Variants in PCDHA4 observed in about 807,000 individuals in gnomAD.
PCDHA4 encodes protocadherin alpha-4.
A neutral mutation model predicts 61.4 loss-of-function variants in PCDHA4; 49 were observed. That is an observed-to-expected ratio of 0.80 (90% CI 0.63 to 1.01). PCDHA4 has a LOEUF of 1.01. Ranked by LOEUF, PCDHA4 falls within the 50% of genes least tolerant of loss-of-function variation. The pLI is 0.00. For synonymous variants in PCDHA4, 590 were observed against 550.3 expected, an observed-to-expected ratio of 1.07 and a Z score of -1.01; for missense variants, 1,254 against 1,235.8, an observed-to-expected ratio of 1.01 and a Z score of -0.22.
chr5:140,919,763 A>T (rs2079297949), intron 1 of PCDHA4, among the ~76,000 whole-genome samples: 2 of 152,090 alleles, frequency 1.3e-5, no homozygotes, highest in African/African-American at 4.8e-5. Flanking sequence ...TGCCTTTTGT[A>T]TTACTGTTAC....
chr5:140,967,870 G>A (rs782622860), intron 1 of PCDHA4: 31 of 1,614,152 alleles, frequency 1.9e-5, no homozygotes, highest in Non-Finnish European at 2.5e-5. Flanking sequence ...TGGTGCTCAC[G>A]GACCTGTATA....
chr5:140,926,223 TAGA>T, intron 1 of PCDHA4: 1 of 152,200 alleles, frequency 6.6e-6, no homozygotes, highest in Non-Finnish European at 1.5e-5. Flanking sequence ...TCCTTAAGCC[TAGA>T]AGGTGTGGTC....
chr5:140,880,742 G>A, intron 1 of PCDHA4, among the ~76,000 whole-genome samples: 1 of 152,208 alleles, frequency 6.6e-6, no homozygotes, highest in East Asian at 1.9e-4. Flanking sequence ...AAAATGGATT[G>A]TCAGTGTAAC....
intron 1 of PCDHA4, among the ~76,000 whole-genome samples, chr5:140,872,587 A>AC (rs777810037): frequency 6.0e-4 from 91 of 152,014 alleles, no homozygotes; most frequent in Middle Eastern, 3.4e-3. Flanking sequence ...TCATCGTGAG[A>AC]CCCCCATCTG....
At chr5:140,837,632 C>CTTT (rs1562365662) in intron 1 of PCDHA4, among the ~76,000 whole-genome samples, 8 of 151,106 alleles carry the variant, frequency 5.3e-5, no homozygotes, top group Admixed American at 1.3e-4. Context: ...TTCCTTCCTT[C>CTTT]CTTTCTTTCT....
intron 1 of PCDHA4, chr5:140,823,745 C>A (rs782470144): frequency 1.2e-6 from 2 of 1,613,836 alleles, no homozygotes; most frequent in African/African-American, 1.3e-5. Context: ...GGAGAGCCCC[C>A]GCTGACAGCC....
In PCDHA4 at chr5:140,852,152, C is replaced by T. The variant is rs1163475400; in HGVS notation, c.2385+42580C>T. The T allele has an allele frequency of 5.8e-6, 5 of 861,034 alleles. 1 individual carries two copies. The highest frequency in any genetic ancestry group is 1.2e-3 in the Middle Eastern group (2 of 1,666). The allele number at this position is 861,034 out of a possible 1,614,324, so 53.3% of individuals were successfully genotyped here. ...CTCAGTAGAGAAAGATCAGAATGGC[C>T]TTGAGAATAGAGCCACAAAAATAAC... On this transcript the variant is annotated intron_variant, in intron 1 of 3. Transcript: ENST00000530339.
intron 1 of PCDHA4, chr5:140,823,861 A>C: frequency 6.2e-7 from 1 of 1,613,800 alleles, no homozygotes; most frequent in Non-Finnish European, 8.5e-7. Flanking sequence ...GGTGGATGTC[A>C]ACGTGTACCT....
At chr5:140,964,998 G>C (rs2095868277) in intron 1 of PCDHA4, among the ~76,000 whole-genome samples, 1 of 152,166 alleles carries the variant, frequency 6.6e-6, no homozygotes, top group Admixed American at 6.5e-5. Flanking sequence ...TTTGAATTCT[G>C]GGTGTCAGGA....
intron 1 of PCDHA4, among the ~76,000 whole-genome samples, chr5:140,908,003 C>G (rs1325602233): frequency 1.3e-5 from 2 of 152,164 alleles, no homozygotes; most frequent in Non-Finnish European, 2.9e-5. Context: ...ACCATCCAGC[C>G]AAACCACTGG....
rs1228559116 is a variant in PCDHA4, at chr5:140,927,616, G to A, written c.2386-51333G>A. On this transcript the variant is annotated intron_variant, in intron 1 of 3. Coordinates refer to ENST00000530339, the MANE Select transcript of PCDHA4 (RefSeq NM_018907.4). ...TGAGCGCTCCGTATACCGCACCAAG[G>A]TTCCAGAGACTGCACCCAATGGGAC... 1.1e-5 allele frequency: 18 copies of A among 1,614,046 alleles called. No individual in the cohort carries two copies. Among genetic ancestry groups the A allele is most frequent in the Non-Finnish European group, 1.5e-5 (18 of 1,180,038 alleles).
At chr5:140,850,822 T>C (rs2150499747) in intron 1 of PCDHA4, 4 of 1,598,166 alleles carry the variant, frequency 2.5e-6, no homozygotes, top group Non-Finnish European at 3.4e-6. Flanking sequence ...AGCCCGGGCC[T>C]TTCTCCTTGT....
intron 1 of PCDHA4, among the ~76,000 whole-genome samples, chr5:140,960,813 A>C (rs1356756058): frequency 6.6e-6 from 1 of 152,202 alleles, no homozygotes; most frequent in Non-Finnish European, 1.5e-5. Context: ...AGAGGTCCCA[A>C]GTGATGAATG....
rs782301855 is a variant in PCDHA4 at position 140,807,203 on chromosome 5, G to GGAAGCGGCCAGGAATCCCGGC, written c.18_38dup (p.Ser7_Arg13dup). 1.2e-6 allele frequency: 2 copies of GGAAGCGGCCAGGAATCCCGGC among 1,613,738 alleles called. No homozygotes were observed. Among genetic ancestry groups the GGAAGCGGCCAGGAATCCCGGC allele is most frequent in the South Asian group, 2.2e-5 (2 of 91,046 alleles). ...TGCACTAAAGATGGAGTTTTCCTGG[G>GGAAGCGGCCAGGAATCCCGGC]GAAGCGGCCAGGAATCCCGGCGTCT... On this transcript the variant is annotated inframe_insertion, in exon 1 of 4. Coordinates refer to ENST00000530339, the MANE Select transcript of PCDHA4 (RefSeq NM_018907.4).
At chr5:140,928,489 C>A in intron 1 of PCDHA4, 1 of 1,614,152 alleles carries the variant, frequency 6.2e-7, no homozygotes. Context: ...TGGTGGCATT[C>A]CTCCCAGAAG....
In PCDHA4 at chr5:140,882,697, A is replaced by G. The variant is rs145968658; in HGVS notation, c.2385+73125A>G. 60 of 1,614,238 alleles carry G rather than the reference A, an allele frequency of 3.7e-5. No homozygotes were observed. The African/African-American group carries it at 6.5e-4, about 18-fold the overall frequency. On this transcript the variant is annotated intron_variant, in intron 1 of 3. Transcript: ENST00000530339. ...AAAGCAAGAAACGAATAATCATTGC[A>G]GAATCTAGACCTCCGGAAACTCGAT...
chr5:140,996,141 A>G (rs1238682290), intron 3 of PCDHA4, among the ~76,000 whole-genome samples: 1 of 152,182 alleles, frequency 6.6e-6, no homozygotes, highest in Admixed American at 6.5e-5. Context: ...TTCTCCCATT[A>G]TCTTGCCTTC....
chr5:140,874,500 C>T (rs1241228989), intron 1 of PCDHA4, among the ~76,000 whole-genome samples: 1 of 152,220 alleles, frequency 6.6e-6, no homozygotes, highest in African/African-American at 2.4e-5. Context: ...ATCAAGTTCA[C>T]ATTCTCTTGA....
intron 1 of PCDHA4, chr5:140,843,946 C>A: frequency 1.8e-6 from 1 of 563,342 alleles, no homozygotes; most frequent in Non-Finnish European, 3.1e-6. Context: ...TGGATGATAT[C>A]CATTTTTTAC....
Sources: gnomAD v4.1 joint callset for allele counts (sites outside exome capture counted in the v4.1 genomes callset) on GRCh38, gnomAD v4.1.1 for gene constraint, MANE v1.5 for transcripts, NCBI Gene and HGNC (gene_info 2026-07-23, HGNC 2026-07-21) for gene names.